Variants in IPPK observed in about 807,000 individuals in gnomAD.
The protein encoded by IPPK is inositol-pentakisphosphate 2-kinase.
Under a neutral mutation model 64.6 loss-of-function variants are expected in IPPK, and 22 were observed. The ratio of observed to expected loss-of-function variants is 0.34; its 90% CI spans 0.24 to 0.49. The LOEUF (loss-of-function observed/expected upper bound fraction) is 0.49. Among genes scored for constraint, IPPK ranks in the 20% least tolerant of loss-of-function variants. The pLI, the probability that IPPK is intolerant of heterozygous loss-of-function variation, is 0.99. For missense variants in IPPK, 532 were observed against 630.7 expected, an observed-to-expected ratio of 0.84 and a Z score of 1.68; for synonymous variants, 262 against 247.2, an observed-to-expected ratio of 1.06 and a Z score of -0.56.
intron 1 of IPPK, among the ~76,000 whole-genome samples, chr9:92,668,913 T>A (rs1852662667): frequency 6.6e-6 from 1 of 152,244 alleles, no homozygotes; most frequent in Non-Finnish European, 1.5e-5. Context: ...ACTGCCTACA[T>A]CATCCCTGAC....
At chr9:92,658,852 C>T (rs1469210751) in intron 1 of IPPK, among the ~76,000 whole-genome samples, 171 bp from the exon 2 acceptor site, 1 of 152,230 alleles carries the variant, frequency 6.6e-6, no homozygotes, top group Non-Finnish European at 1.5e-5. Flanking sequence ...CCAGCAAGGG[C>T]ACACTGGGCA....
chr9:92,641,171 G>C (rs193129049), intron 7 of IPPK, among the ~76,000 whole-genome samples: 2 of 152,332 alleles, frequency 1.3e-5, no homozygotes, highest in East Asian at 3.9e-4. Context: ...ACTTCCAAAG[G>C]CTCAGGGGCA....
At position 92,642,799 on chromosome 9, in the gene IPPK, C is replaced by T; in HGVS notation, c.516G>A (p.Gly172=). Residue 172 remains glycine (G), a synonymous_variant, in exon 7 of 13, where the codon GGG becomes GGA. Coordinates refer to ENST00000287996, the MANE Select transcript of IPPK (RefSeq NM_022755.6). ...AGTATTTGCTGATCTGCTTCCACTT[C>T]CCAGTTGCTACCTGTGAAAACACCA... ...CMHQHLKVAT[G]KWKQISKYCP... 1.2e-6 allele frequency: 2 copies of T among 1,614,116 alleles called. No homozygotes were observed. The highest frequency in any genetic ancestry group is 1.7e-6 in the Non-Finnish European group (2 of 1,179,908).
chr9:92,615,948 G>A lies in IPPK; in HGVS notation c.1360C>T (p.Leu454=). The A allele has an allele frequency of 6.2e-7, 1 of 1,614,130 alleles. No individual in the cohort carries two copies. The highest frequency in any genetic ancestry group is 1.1e-5 in the South Asian group (1 of 91,072). ...TAATAGTTGACGATCTTGCCGTCCAGTTTATACTGATGGGGAATGCTCTCG... is the reference window on the plus strand; with the variant it reads ...TAATAGTTGACGATCTTGCCGTCCAATTTATACTGATGGGGAATGCTCTCG... ...PYESIPHQYK[L]DGKIVNYYSK... is the part of the protein sequence containing the mutation. The change falls in exon 13 of 13, where the codon CTG becomes TTG. Residue 454 remains leucine, a synonymous_variant. Coordinates refer to ENST00000287996, the MANE Select transcript of IPPK (RefSeq NM_022755.6).
chr9:92,659,236 T>A (rs1852433069), intron 1 of IPPK, among the ~76,000 whole-genome samples: 1 of 152,230 alleles, frequency 6.6e-6, no homozygotes, highest in African/African-American at 2.4e-5. Flanking sequence ...CCCTTGGGCA[T>A]GCATGAATAG....
intron 6 of IPPK, among the ~76,000 whole-genome samples, chr9:92,646,280 C>A (rs570809238): frequency 6.6e-6 from 1 of 152,222 alleles, no homozygotes; most frequent in East Asian, 1.9e-4. Flanking sequence ...CTAGACCGAA[C>A]ACATCTATAG....
intron 1 of IPPK, among the ~76,000 whole-genome samples, chr9:92,669,326 T>C (rs996085350): frequency 6.6e-6 from 1 of 152,240 alleles, no homozygotes; most frequent in African/African-American, 2.4e-5. Flanking sequence ...TTCACCCTCG[T>C]TGAATTCAGG....
Position 92,634,484 on chromosome 9 carries a change from T to A in IPPK, c.1072A>T (p.Thr358Ser). Reference protein sequence around the residue: ...YLEEFPEERKTLQIDGPYDEA... With the variant: ...YLEEFPEERKSLQIDGPYDEA... ...TCATAAGGCCCATCTATTTGTAAGG[T>A]TTTTCTGAAGAAGAAAGCACAATAA... is the stretch of plus-strand genomic sequence containing the variant. Residue 358 changes from threonine to serine, a missense_variant, in exon 11 of 13, where the codon ACC (threonine) becomes TCC (serine). By Grantham distance (58) the Thr-to-Ser change is moderately conservative. Transcript: ENST00000287996. 1 of 1,611,854 alleles carries A rather than the reference T, an allele frequency of 6.2e-7. No homozygotes were observed. Among genetic ancestry groups the A allele is most frequent in the Non-Finnish European group, 8.5e-7 (1 of 1,178,118 alleles).
intron 11 of IPPK, among the ~76,000 whole-genome samples, chr9:92,631,219 G>A (rs1175452023): frequency 7.6e-6 from 1 of 132,232 alleles, no homozygotes; most frequent in Admixed American, 7.8e-5. Context: ...TTTTTGAGAT[G>A]GACTCTCGCT....
rs1024371442 is a variant in IPPK, at chr9:92,630,673, T to C, written c.1170+3713A>G. Among the ~76,000 whole-genome samples the C allele has an allele frequency of 6.2e-5, 9 of 145,816 alleles. No homozygotes were observed. In the Admixed American group the frequency reaches 6.2e-4, roughly 10 times the overall value. On this transcript the variant is annotated intron_variant, in intron 11 of 12. Transcript: ENST00000287996. ...GTAAAATAATACTCTAAATTATGACTAAAAAAAAAAATACCAAGACAAACA... is the reference window on the plus strand; with the variant it reads ...GTAAAATAATACTCTAAATTATGACCAAAAAAAAAAATACCAAGACAAACA...
Position 92,638,054 on chromosome 9 carries a change from T to A in IPPK, c.863A>T (p.Gln288Leu), listed in dbSNP as rs550409984. 6.2e-7 allele frequency: 1 copy of A among 1,604,308 alleles called. No individual in the cohort carries two copies. Among genetic ancestry groups the A allele is most frequent in the African/African-American group, 1.3e-5 (1 of 74,844 alleles). ...GCTGGCTTCGCAGACTCGCGGGCCCTGAGGCCCGAGCCCCGGACTCAGGGT... is the reference window on the plus strand; with the variant it reads ...GCTGGCTTCGCAGACTCGCGGGCCCAGAGGCCCGAGCCCCGGACTCAGGGT... ...AGTLSPGLGPQGPRVCEASPF... is the reference protein window; with the variant it reads ...AGTLSPGLGPLGPRVCEASPF... Residue 288 changes from glutamine to leucine, a missense_variant, in exon 9 of 13, where the codon CAG becomes CTG. Transcript: ENST00000287996.
intron 2 of IPPK, among the ~76,000 whole-genome samples, chr9:92,657,340 C>G (rs1307129012): frequency 6.6e-6 from 1 of 150,818 alleles, no homozygotes; most frequent in Non-Finnish European, 1.5e-5. Context: ...CAGGGCGAGA[C>G]TCTGTCTCAA....
At chr9:92,644,871 CAAAG>C (rs1220205824) in intron 6 of IPPK, among the ~76,000 whole-genome samples, 1 of 152,022 alleles carries the variant, frequency 6.6e-6, no homozygotes, top group African/African-American at 2.4e-5. Flanking sequence ...ACAAAACACG[CAAAG>C]AAACAAGAAA....
At chr9:92,665,756 T>C (rs1238925294) in intron 1 of IPPK, among the ~76,000 whole-genome samples, 2 of 152,166 alleles carry the variant, frequency 1.3e-5, no homozygotes, top group East Asian at 3.8e-4. Context: ...AGGACTTAAT[T>C]CATCCACTAC....
At position 92,656,700 on chromosome 9, in the gene IPPK, C is replaced by A. The variant is rs1489478191; in HGVS notation, c.130-149G>T. On this transcript the variant is annotated intron_variant, in intron 2 of 12. Transcript: ENST00000287996. ...AGAACCCGGGTGACAGCCCTCAGACCCAGGGGAAGGTCCCCAGTGCCCTTC... is the reference window on the plus strand; with the variant it reads ...AGAACCCGGGTGACAGCCCTCAGACACAGGGGAAGGTCCCCAGTGCCCTTC... 4 of 611,800 alleles carry A rather than the reference C, an allele frequency of 6.5e-6. No individual in the cohort carries two copies. In the East Asian group the frequency reaches 1.1e-4, roughly 17 times the overall value. 37.9% of individuals were successfully genotyped at this position (611,800 alleles called of 1,614,324 possible). A position where few individuals can be genotyped will look rare whatever the true frequency, so the allele number is the denominator to read the frequency against.
At chr9:92,659,293 CACTT>C (rs1239035719) in intron 1 of IPPK, among the ~76,000 whole-genome samples, 1 of 152,140 alleles carries the variant, frequency 6.6e-6, no homozygotes, top group African/African-American at 2.4e-5. Context: ...ATTATGGGTC[CACTT>C]ACTTTGTGAT....
intron 1 of IPPK, among the ~76,000 whole-genome samples, chr9:92,661,734 C>A (rs1852488960): frequency 6.6e-6 from 1 of 152,198 alleles, no homozygotes; most frequent in Non-Finnish European, 1.5e-5. Flanking sequence ...AGAAACCTAC[C>A]CCCAGGGGAA....
chr9:92,667,671 C>A (rs1458011971), intron 1 of IPPK, among the ~76,000 whole-genome samples: 1 of 152,176 alleles, frequency 6.6e-6, no homozygotes, highest in Admixed American at 6.5e-5. Flanking sequence ...GTAATCCCAG[C>A]ACTCTGGGAG....
chr9:92,658,053 C>A (rs1166476701), intron 2 of IPPK, among the ~76,000 whole-genome samples: 1 of 152,188 alleles, frequency 6.6e-6, no homozygotes, highest in Non-Finnish European at 1.5e-5. Flanking sequence ...CAGAGAAGGG[C>A]CCTGAATGCA....
Sources: gnomAD v4.1 joint callset for allele counts (sites outside exome capture counted in the v4.1 genomes callset) on GRCh38, gnomAD v4.1.1 for gene constraint, MANE v1.5 for transcripts, NCBI Gene and HGNC (gene_info 2026-07-23, HGNC 2026-07-21) for gene names.